The following MAP3K4 variants were observed in gnomAD, a reference collection of about 807,000 sequenced individuals.
MAP3K4 encodes the protein MAP three kinase 1.
Under a neutral mutation model 185.6 loss-of-function variants are expected in MAP3K4, and 67 were observed. The ratio of observed to expected loss-of-function variants is 0.36; its 90% CI spans 0.30 to 0.44. MAP3K4 has a LOEUF of 0.44. MAP3K4 is among the 20% of genes least tolerant of loss of function. The pLI is 1.00. For synonymous variants in MAP3K4, 702 were observed against 710.4 expected (o/e 0.99, Z 0.19); for missense variants, 1,551 against 1,995.1 (o/e 0.78, Z 4.24).
Position 161,088,044 on chromosome 6 carries a change from C to A in MAP3K4, c.2823+90C>A. On this transcript the variant is annotated intron_variant, in intron 10 of 26. Coordinates refer to ENST00000392142, the MANE Select transcript of MAP3K4 (RefSeq NM_005922.4). This position sits in a 1 kb window ranked among gnomAD's most constrained non-coding sequence, Gnocchi z 4.5. ...AGCTGCTCATGAATGAGGGGTTTGA[C>A]TACCCTAGTAATCACAAGTATATAC... The A allele has an allele frequency of 7.4e-7, 1 of 1,351,830 alleles. No homozygotes were observed. 83.7% of individuals were successfully genotyped at this position (1,351,830 alleles called of 1,614,324 possible). A position where few individuals can be genotyped will look rare whatever the true frequency, so the allele number is the denominator to read the frequency against.
rs1783081812 is a variant in MAP3K4 at position 161,034,654 on chromosome 6, G to A, written c.343+205G>A. ...GATAGAAACGTTTGTCCTGAGTAAT[G>A]GTTAAAGCCAGCAATGCACGGGCAT... On this transcript the variant is annotated intron_variant, in intron 2 of 26. Transcript: ENST00000392142. This position sits in a 1 kb window ranked among gnomAD's most constrained non-coding sequence, Gnocchi z 4.4. Among the ~76,000 whole-genome samples, 1 of 152,036 alleles carries A rather than the reference G, an allele frequency of 6.6e-6. No homozygotes were observed. Among genetic ancestry groups the A allele is most frequent in the African/African-American group, 2.4e-5 (1 of 41,390 alleles).
At position 161,107,053 on chromosome 6, in the gene MAP3K4, C is replaced by G. The variant is rs533233709; in HGVS notation, c.4048+348C>G. Among the ~76,000 whole-genome samples the G allele has an allele frequency of 3.5e-3, 385 of 110,398 alleles. 1 individual carries two copies. The highest frequency in any genetic ancestry group is 0.013 in the African/African-American group (366 of 27,792). 72.4% of individuals were successfully genotyped at this position (110,398 alleles called of 152,430 possible). Reference sequence around the variant, plus strand: ...CTCTCTCTCTACACACGCGCGCGCACACACACACACACACACACACACACA... The same window carrying G: ...CTCTCTCTCTACACACGCGCGCGCAGACACACACACACACACACACACACA... On this transcript the variant is annotated intron_variant, in intron 20 of 26. Transcript: ENST00000392142. This position sits in a 1 kb window ranked among gnomAD's most constrained non-coding sequence, Gnocchi z 6.2.
chr6:161,060,810 G>A (rs771028303), intron 3 of MAP3K4, among the ~76,000 whole-genome samples: 2 of 151,844 alleles, frequency 1.3e-5, no homozygotes, highest in African/African-American at 2.4e-5. Flanking sequence ...TAGTAGAGAC[G>A]GGTTTACACC....
chr6:161,081,121 TTGTA>T lies in MAP3K4; in HGVS notation c.2255+87_2255+90del, dbSNP rs1785433512. 7.1e-5 allele frequency: 102 copies of T among 1,440,958 alleles called. 1 individual carries two copies. In the South Asian group the frequency reaches 1.3e-3, roughly 18 times the overall value. 89.3% of individuals were successfully genotyped at this position (1,440,958 alleles called of 1,614,324 possible). A position where few individuals can be genotyped will look rare whatever the true frequency, so the allele number is the denominator to read the frequency against. ...TACTCACTGATTCTCTCCTATGTGTTTGTATGTTTAGTTACATGAAAATTGCAGT... is the reference window on the plus strand; with the variant it reads ...TACTCACTGATTCTCTCCTATGTGTTTGTTTAGTTACATGAAAATTGCAGT... On this transcript the variant is annotated intron_variant, in intron 6 of 26. Coordinates refer to ENST00000392142, the MANE Select transcript of MAP3K4 (RefSeq NM_005922.4).
In MAP3K4 at chr6:161,098,053, C is replaced by G. The variant is rs115216326; in HGVS notation, c.3525-225C>G. On this transcript the variant is annotated intron_variant, in intron 16 of 26. Coordinates refer to ENST00000392142, the MANE Select transcript of MAP3K4 (RefSeq NM_005922.4). This position sits in a 1 kb window ranked among gnomAD's most constrained non-coding sequence, Gnocchi z 4.4. The stretch of plus-strand genomic sequence containing the variant: ...AGTGAGCTATGATTGCGCCACTGCA[C>G]TCCAGCCTGGACAACAGGGTGCGAT... Among the ~76,000 whole-genome samples the G allele has an allele frequency of 0.022, 3,389 of 152,164 alleles. 141 individuals are homozygous for G. Among genetic ancestry groups the G allele is most frequent in the African/African-American group, 0.077 (3,215 of 41,514 alleles).
rs590988 is a variant in MAP3K4 at position 160,996,622 on chromosome 6, G to A, written c.152+4539G>A. Among the ~76,000 whole-genome samples, 140,794 of 152,212 alleles carry A rather than the reference G, an allele frequency of 0.92. 65,407 individuals are homozygous for A. The highest frequency in any genetic ancestry group is 0.94 in the Non-Finnish European group (64,132 of 68,022). Reference sequence around the variant, plus strand: ...TGCCTATCAGTAGGCTACTGGTAGTGGTTTCTTTAAAGAGAAAATGGAAAA... The same window carrying A: ...TGCCTATCAGTAGGCTACTGGTAGTAGTTTCTTTAAAGAGAAAATGGAAAA... On this transcript the variant is annotated intron_variant, in intron 1 of 26. Coordinates refer to ENST00000392142, the MANE Select transcript of MAP3K4 (RefSeq NM_005922.4). This position sits in a 1 kb window ranked among gnomAD's most constrained non-coding sequence, Gnocchi z 4.5.
At chr6:161,005,799 GT>G (rs543285220) in intron 1 of MAP3K4, among the ~76,000 whole-genome samples, 10 of 151,956 alleles carry the variant, frequency 6.6e-5, no homozygotes, top group African/African-American at 2.4e-4. Context: ...TTTTATTTTT[GT>G]TTTTTGAGAC....
chr6:161,069,852 A>G (rs1263111347), intron 3 of MAP3K4, among the ~76,000 whole-genome samples: 2 of 151,934 alleles, frequency 1.3e-5, no homozygotes, highest in Non-Finnish European at 2.9e-5. Flanking sequence ...GACCAAAGGG[A>G]GGAGAAGCAG....
chr6:161,099,103 T>C (rs1777714962), intron 17 of MAP3K4, among the ~76,000 whole-genome samples: 1 of 152,218 alleles, frequency 6.6e-6, no homozygotes, highest in Non-Finnish European at 1.5e-5. Flanking sequence ...GGAAGAGCTG[T>C]TGTTCTCTCT....
Position 161,088,755 on chromosome 6 carries a change from T to C in MAP3K4, c.2824-567T>C. ...CCTGAACTATTGCAGTTTCTGACTT[T>C]GAGTTTCCCTGCTTCAAACCTCACC... On this transcript the variant is annotated intron_variant, in intron 10 of 26. Transcript: ENST00000392142. The surrounding 1 kb of genome is among the most constrained non-coding windows in gnomAD (Gnocchi z 4.5). Among the ~76,000 whole-genome samples the C allele has an allele frequency of 6.6e-6, 1 of 152,152 alleles. No homozygotes were observed.
rs1013849875 is a variant in MAP3K4, at chr6:161,107,032, C to T, written c.4048+327C>T. Among the ~76,000 whole-genome samples, 3 of 129,552 alleles carry T rather than the reference C, an allele frequency of 2.3e-5. No homozygotes were observed. The highest frequency in any genetic ancestry group is 3.2e-5 in the Non-Finnish European group (2 of 62,646). The allele number at this position is 129,552 out of a possible 152,430, so 85.0% of individuals were successfully genotyped here. On this transcript the variant is annotated intron_variant, in intron 20 of 26. Coordinates refer to ENST00000392142, the MANE Select transcript of MAP3K4 (RefSeq NM_005922.4). This position sits in a 1 kb window ranked among gnomAD's most constrained non-coding sequence, Gnocchi z 6.2. ...CCCATTTGTTCTAGTTTCTCTCTCT[C>T]TCTCTACACACGCGCGCGCACACAC...
At chr6:161,001,013 T>G (rs1300161647) in intron 1 of MAP3K4, among the ~76,000 whole-genome samples, 1 of 26,686 alleles carries the variant, frequency 3.7e-5, no homozygotes, top group Non-Finnish European at 6.8e-5. Context: ...TATACACATA[T>G]GTATATAATA....
At chr6:161,031,707 C>G (rs1279882584) in intron 1 of MAP3K4, among the ~76,000 whole-genome samples, 1 of 152,036 alleles carries the variant, frequency 6.6e-6, no homozygotes, top group Non-Finnish European at 1.5e-5. Context: ...TTTCGTAGCC[C>G]TTTGTTTCCA....
rs1411205425 is a variant in MAP3K4, at chr6:161,000,805, CCATATATACACA to C, written c.152+8726_152+8737del. On this transcript the variant is annotated intron_variant, in intron 1 of 26. Coordinates refer to ENST00000392142, the MANE Select transcript of MAP3K4 (RefSeq NM_005922.4). ...CCCATATATACACACATGTGTACAC[CCATATATACACA>C]CATGTGTATGCACACATACACATGT... is the stretch of plus-strand genomic sequence containing the variant. Among the ~76,000 whole-genome samples the C allele has an allele frequency of 5.6e-5, 8 of 143,580 alleles. No individual in the cohort carries two copies. The East Asian group carries it at 1.6e-3, about 28-fold the overall frequency. 94.2% of individuals were successfully genotyped at this position (143,580 alleles called of 152,430 possible).
intron 1 of MAP3K4, among the ~76,000 whole-genome samples, chr6:161,027,574 A>G (rs2115140291): frequency 6.6e-6 from 1 of 152,328 alleles, no homozygotes; most frequent in South Asian, 2.1e-4. Flanking sequence ...GAGATTGTAG[A>G]TGATGCATTG....
Position 161,116,877 on chromosome 6 carries a change from G to C in MAP3K4, c.*7G>C, listed in dbSNP as rs1355491281. On this transcript the variant is annotated 3_prime_UTR_variant, in exon 27 of 27. Transcript: ENST00000392142. The surrounding 1 kb of genome is among the most constrained non-coding windows in gnomAD (Gnocchi z 6.2). ...TTGCACAGATGAAGAATGAAGCCTA[G>C]TAGAATATGGACTTGGAAAATTCTC... The C allele has an allele frequency of 6.2e-7, 1 of 1,613,672 alleles. No homozygotes were observed.
Position 161,003,147 on chromosome 6 carries a change from G to C in MAP3K4, c.152+11064G>C, listed in dbSNP as rs899224327. 3.3e-5 allele frequency among the ~76,000 whole-genome samples: 5 copies of C among 152,142 alleles called. No individual in the cohort carries two copies. The East Asian group carries it at 9.6e-4, about 29-fold the overall frequency. ...ATTGTTTCTTTAGGATAGCTTCCTA[G>C]GTCATAAGATATTTAGAGTTTTAAG... On this transcript the variant is annotated intron_variant, in intron 1 of 26. Transcript: ENST00000392142.
At position 161,064,382 on chromosome 6, in the gene MAP3K4, CATT is replaced by C. The variant is rs1283182556; in HGVS notation, c.1708-6222_1708-6220del. Among the ~76,000 whole-genome samples, 1 of 151,700 alleles carries C rather than the reference CATT, an allele frequency of 6.6e-6. No homozygotes were observed. Among genetic ancestry groups the C allele is most frequent in the Non-Finnish European group, 1.5e-5 (1 of 67,960 alleles). ...GAGGTATAGTATGAGGTAAGCATGT[CATT>C]ATTTTTCTGTTAATTGCTTATAACA... On this transcript the variant is annotated intron_variant, in intron 3 of 26. Coordinates refer to ENST00000392142, the MANE Select transcript of MAP3K4 (RefSeq NM_005922.4). This position sits in a 1 kb window ranked among gnomAD's most constrained non-coding sequence, Gnocchi z 4.3.
chr6:161,030,444 T>G (rs1782871699), intron 1 of MAP3K4, among the ~76,000 whole-genome samples: 1 of 152,078 alleles, frequency 6.6e-6, no homozygotes, highest in Non-Finnish European at 1.5e-5. Flanking sequence ...TTTGTTTGTT[T>G]GTTTGTTTGT....
Sources: allele counts gnomAD v4.1 joint callset (sites outside exome capture counted in the v4.1 genomes callset), GRCh38; gene constraint gnomAD v4.1.1; non-coding constraint Gnocchi (gnomAD v3.1); transcripts MANE v1.5; gene names NCBI Gene and HGNC (gene_info 2026-07-23, HGNC 2026-07-21).